The following ROCK1 variants were observed in gnomAD, a reference collection of about 807,000 sequenced individuals.
ROCK1 encodes rho-associated protein kinase 1.
ROCK1 carries 36 observed loss-of-function variants against 196.8 expected under a neutral mutation model. The ratio of observed to expected loss-of-function variants is 0.18; its 90% CI spans 0.14 to 0.24. The LOEUF (loss-of-function observed/expected upper bound fraction) is 0.24. Ranked by LOEUF, ROCK1 falls within the 10% of genes least tolerant of loss-of-function variation. The pLI, the probability that ROCK1 is intolerant of heterozygous loss-of-function variation, is 1.00. For synonymous variants in ROCK1, 443 were observed against 515.9 expected, an observed-to-expected ratio of 0.86 and a Z score of 1.91; for missense variants, 920 against 1,562.0, an observed-to-expected ratio of 0.59 and a Z score of 6.93.
chr18:20,989,248 CT>C (rs2035602678), intron 18 of ROCK1, among the ~76,000 whole-genome samples: 2 of 152,194 alleles, frequency 1.3e-5, no homozygotes, highest in African/African-American at 4.8e-5. Flanking sequence ...TGCACAGGCA[CT>C]TTACATGCAT....
At chr18:21,085,782 T>C (rs1269493107) in intron 1 of ROCK1, among the ~76,000 whole-genome samples, 4 of 152,248 alleles carry the variant, frequency 2.6e-5, no homozygotes, top group Non-Finnish European at 5.9e-5. Context: ...CACCTCAATG[T>C]TCTCATCTGT....
chr18:20,969,958 A>T (rs2035411080), intron 23 of ROCK1: 1 of 156,744 alleles, frequency 6.4e-6, no homozygotes. Context: ...TTATCCCAAG[A>T]ATTCCTCATT....
chr18:20,956,860 G>A (rs939288233), intron 29 of ROCK1, among the ~76,000 whole-genome samples: 3 of 151,732 alleles, frequency 2.0e-5, no homozygotes, highest in Non-Finnish European at 4.4e-5. Flanking sequence ...ATTTAAAAAC[G>A]GGCAAAAGAC....
In ROCK1 at chr18:21,023,699, T is replaced by TA; in HGVS notation, c.1212-20dup. ...TAAGTATCTGAGGGAAAGAAAAGTT[T>TA]AAAAAGAAAAGAAAACAAAAAACTC... On this transcript the variant is annotated intron_variant, in intron 10 of 32. Coordinates refer to ENST00000399799, the MANE Select transcript of ROCK1 (RefSeq NM_005406.3). 6.7e-7 allele frequency: 1 copy of TA among 1,485,704 alleles called. No homozygotes were observed. Among genetic ancestry groups the TA allele is most frequent in the South Asian group, 1.3e-5 (1 of 78,960 alleles). 92.0% of individuals were successfully genotyped at this position (1,485,704 alleles called of 1,614,324 possible). A position where few individuals can be genotyped will look rare whatever the true frequency, so the allele number is the denominator to read the frequency against.
At chr18:20,997,836 A>ATT (rs112658977) in intron 16 of ROCK1, among the ~76,000 whole-genome samples, 4 of 141,894 alleles carry the variant, frequency 2.8e-5, no homozygotes, top group African/African-American at 7.7e-5. Context: ...CAACAAGTGG[A>ATT]TTTTTTTTTT....
Position 20,954,898 on chromosome 18 carries a change from G to C in ROCK1, c.3738C>G (p.Ala1246=), listed in dbSNP as rs576014366. Reference sequence around the variant, plus strand: ...GCTTAAAAACATGCCAGAGAGGTTTGGCACAGGCATCACAATTGGCAGGAA... The same window carrying C: ...GCTTAAAAACATGCCAGAGAGGTTTCGCACAGGCATCACAATTGGCAGGAA... ...YHFPANCDAC[A]KPLWHVFKPP... is the part of the protein sequence containing the mutation. The change falls in exon 31 of 33, where the codon GCC becomes GCG. Residue 1246 remains alanine (A), a synonymous_variant. Coordinates refer to ENST00000399799, the MANE Select transcript of ROCK1 (RefSeq NM_005406.3). 6.2e-7 allele frequency: 1 copy of C among 1,613,928 alleles called. No individual in the cohort carries two copies. The highest frequency in any genetic ancestry group is 1.3e-5 in the African/African-American group (1 of 75,048).
At chr18:21,065,963 C>G (rs1335535217) in intron 2 of ROCK1, among the ~76,000 whole-genome samples, 2 of 152,104 alleles carry the variant, frequency 1.3e-5, no homozygotes, top group African/African-American at 2.4e-5. Flanking sequence ...TTTAATATGA[C>G]TTAAGCTGAA....
At chr18:20,959,788 T>G in intron 29 of ROCK1, 52 bp downstream of exon 29, 1 of 904,812 alleles carries the variant, frequency 1.1e-6, no homozygotes, top group South Asian at 1.9e-5. Flanking sequence ...CTAAAAATAA[T>G]TATCAAAAGT....
chr18:20,966,213 T>C (rs1598510562), intron 27 of ROCK1, among the ~76,000 whole-genome samples: 3 of 152,194 alleles, frequency 2.0e-5, no homozygotes, highest in East Asian at 1.9e-4. Flanking sequence ...ATTGAACTTA[T>C]AGTATGTGTA....
At chr18:20,960,506 T>C (rs1303328083) in intron 27 of ROCK1, among the ~76,000 whole-genome samples, 1 of 151,852 alleles carries the variant, frequency 6.6e-6, no homozygotes, top group Non-Finnish European at 1.5e-5. Flanking sequence ...GCAGCTTAAA[T>C]GGGATATGAT....
chr18:21,030,883 G>C (rs2036000147), intron 9 of ROCK1, among the ~76,000 whole-genome samples: 1 of 152,106 alleles, frequency 6.6e-6, no homozygotes, highest in Non-Finnish European at 1.5e-5. Flanking sequence ...AGCAACCATT[G>C]AGTTGGCAAA....
In ROCK1 at chr18:21,006,410, A is replaced by G; in HGVS notation, c.1826T>C (p.Ile609Thr). The change falls in exon 16 of 33, where the codon ATA becomes ACA. Residue 609 changes from isoleucine to threonine, a missense_variant. By Grantham distance (89) the Ile-to-Thr change is moderately conservative. Transcript: ENST00000399799. ...TCTGTCTCTTCGTTCAGCTTCTAAT[A>G]TAGCTTGCAGCTGGTAATAATCTTT... ...TDKDYYQLQA[I>T]LEAERRDRGH... 1.2e-6 allele frequency: 2 copies of G among 1,613,486 alleles called. No homozygotes were observed. Among genetic ancestry groups the G allele is most frequent in the Non-Finnish European group, 1.7e-6 (2 of 1,179,908 alleles).
At chr18:20,975,085 A>G (rs1375441883) in intron 22 of ROCK1, among the ~76,000 whole-genome samples, 1 of 152,222 alleles carries the variant, frequency 6.6e-6, no homozygotes, top group East Asian at 1.9e-4. Context: ...AATTCCTCCT[A>G]CCATAGAGCT....
intron 1 of ROCK1, among the ~76,000 whole-genome samples, chr18:21,104,013 T>C (rs1258715512): frequency 6.6e-6 from 1 of 152,228 alleles, no homozygotes; most frequent in East Asian, 1.9e-4. Context: ...ACAGCTATAC[T>C]GTGGACTTAA....
intron 13 of ROCK1, among the ~76,000 whole-genome samples, chr18:21,012,568 T>C (rs1462269799): frequency 6.6e-6 from 1 of 152,192 alleles, no homozygotes; most frequent in Non-Finnish European, 1.5e-5. Flanking sequence ...ATTTCTTTTT[T>C]GTCATTAATT....
At chr18:21,077,427 ACT>A (rs1305832059) in intron 1 of ROCK1, among the ~76,000 whole-genome samples, 5 of 152,042 alleles carry the variant, frequency 3.3e-5, no homozygotes, top group African/African-American at 7.3e-5. Context: ...AAGAACCTAA[ACT>A]CTGTTTCACA....
chr18:21,099,525 C>T (rs1345774533), intron 1 of ROCK1, among the ~76,000 whole-genome samples: 1 of 152,036 alleles, frequency 6.6e-6, no homozygotes, highest in Non-Finnish European at 1.5e-5. Context: ...GGGAGGATCC[C>T]TTGAGCCTAG....
intron 12 of ROCK1, among the ~76,000 whole-genome samples, chr18:21,017,059 T>A (rs2035868994): frequency 6.6e-6 from 1 of 152,046 alleles, no homozygotes. Flanking sequence ...CTTCTCCTAA[T>A]AATTTCCATT....
chr18:21,072,530 T>C (rs1192813720), intron 1 of ROCK1, among the ~76,000 whole-genome samples: 1 of 152,178 alleles, frequency 6.6e-6, no homozygotes, highest in African/African-American at 2.4e-5. Flanking sequence ...TTAGCTTTTA[T>C]TCAATACTCT....
Sources: gnomAD v4.1 joint callset for allele counts (sites outside exome capture counted in the v4.1 genomes callset) on GRCh38, gnomAD v4.1.1 for gene constraint, MANE v1.5 for transcripts, NCBI Gene and HGNC (gene_info 2026-07-23, HGNC 2026-07-21) for gene names.